SCN1A: variants seen among roughly 807,000 people sequenced by gnomAD.
The protein encoded by SCN1A is sodium channel protein type 1 subunit alpha.
SCN1A carries 13 observed loss-of-function variants against 193.7 expected under a neutral mutation model. That is an observed-to-expected ratio of 0.07 (90% CI 0.04 to 0.11). SCN1A has a LOEUF of 0.11. Ranked by LOEUF, SCN1A falls within the 10% of genes least tolerant of loss-of-function variation. SCN1A has a pLI of 1.00. For missense variants in SCN1A, 1,432 were observed against 2,451.1 expected (o/e 0.58, Z 8.78); for synonymous variants, 781 against 843.6 (o/e 0.93, Z 1.29).
chr2:166,140,072 T>A (rs1574648377), intron 1 of SCN1A, among the ~76,000 whole-genome samples: 1 of 152,196 alleles, frequency 6.6e-6, no homozygotes, highest in Non-Finnish European at 1.5e-5. Flanking sequence ...TACCATGTTA[T>A]CTTCATGAAT....
chr2:166,077,076 T>C (rs1439124864), intron 3 of SCN1A: 1 of 151,974 alleles, frequency 6.6e-6, no homozygotes, highest in Non-Finnish European at 1.5e-5. Context: ...ATATTTGTTT[T>C]TGGTTTTCTA....
At chr2:165,997,252 A>C (rs1470981225) in intron 26 of SCN1A, among the ~76,000 whole-genome samples, 1 of 151,374 alleles carries the variant, frequency 6.6e-6, no homozygotes, top group Non-Finnish European at 1.5e-5. Context: ...GGGAATGAAT[A>C]AGTAAATTAT....
intron 1 of SCN1A, among the ~76,000 whole-genome samples, chr2:166,147,739 T>C (rs1050096196): frequency 6.6e-6 from 1 of 152,164 alleles, no homozygotes; most frequent in Admixed American, 6.5e-5. Flanking sequence ...TGGGAAATCA[T>C]GTACATGTTT....
intron 1 of SCN1A, among the ~76,000 whole-genome samples, chr2:166,145,069 C>T (rs996990904): frequency 2.0e-5 from 3 of 151,918 alleles, no homozygotes; most frequent in African/African-American, 7.3e-5. Flanking sequence ...AACTCCTGAC[C>T]TCATGATCTG....
chr2:166,009,525 A>C, intron 23 of SCN1A, 194 bp downstream of exon 23: 1 of 405,478 alleles, frequency 2.5e-6, no homozygotes. Context: ...GATAAATGAT[A>C]TTATATCATT....
chr2:165,985,565 A>G (rs1688561382), downstream of SCN1A: 1 of 152,104 alleles, frequency 6.6e-6, no homozygotes, highest in Admixed American at 6.6e-5. Flanking sequence ...ATCTGCAAAT[A>G]TGAGGAGTGT....
intron 1 of SCN1A, among the ~76,000 whole-genome samples, chr2:166,136,077 T>A (rs1391495164): frequency 6.6e-6 from 1 of 152,192 alleles, no homozygotes; most frequent in Admixed American, 6.5e-5. Context: ...ACTTGATACA[T>A]AAGGAAGCTC....
In SCN1A at chr2:166,073,394, G is replaced by C. The variant is rs1173774565; in HGVS notation, c.228C>G (p.Pro76=). The change falls in exon 4 of 29, where the codon CCC becomes CCG. Residue 76 remains proline, a synonymous_variant. Coordinates refer to ENST00000674923, the MANE Select transcript of SCN1A (RefSeq NM_001165963.4). ...TATAGTAGGGGTCCAGGTCCTCCAGGGGCTCTGACACCATCTCTGGAGGAA... is the reference window on the plus strand; with the variant it reads ...TATAGTAGGGGTCCAGGTCCTCCAGCGGCTCTGACACCATCTCTGGAGGAA... The part of the protein sequence containing the change: ...GDIPPEMVSE[P]LEDLDPYYIN... 9 of 1,613,998 alleles carry C rather than the reference G, an allele frequency of 5.6e-6. No homozygotes were observed. Among genetic ancestry groups the C allele is most frequent in the Non-Finnish European group, 7.6e-6 (9 of 1,179,992 alleles).
intron 5 of SCN1A, 85 bp downstream of exon 5, chr2:166,058,485 T>A: frequency 2.5e-6 from 2 of 785,836 alleles, no homozygotes; most frequent in Non-Finnish European, 4.4e-6. Context: ...AATATGGACA[T>A]TTCCCAACTT....
chr2:166,129,322 A>G (rs1217515077), upstream of SCN1A, among the ~76,000 whole-genome samples: 1 of 152,170 alleles, frequency 6.6e-6, no homozygotes. Context: ...TTCCTGTTCT[A>G]GAATCACAGA....
chr2:166,077,616 TG>T, intron 3 of SCN1A, 93 bp downstream of exon 3: 1 of 152,104 alleles, frequency 6.6e-6, no homozygotes, highest in Non-Finnish European at 1.5e-5. Context: ...TCATTGCTGG[TG>T]GGCAAGCAAA....
intron 2 of SCN1A, among the ~76,000 whole-genome samples, chr2:166,123,932 A>G (rs937324274): frequency 6.6e-6 from 1 of 152,114 alleles, no homozygotes; most frequent in Non-Finnish European, 1.5e-5. Flanking sequence ...CCTGTGAGGC[A>G]CTTCACCCTT....
At chr2:165,997,837 C>T (rs1258508751) in intron 26 of SCN1A, among the ~76,000 whole-genome samples, 1 of 151,032 alleles carries the variant, frequency 6.6e-6, no homozygotes, top group Non-Finnish European at 1.5e-5. Flanking sequence ...AACCTATGAA[C>T]AAGAGTGTGG....
At chr2:166,025,653 T>A (rs938512252) in intron 19 of SCN1A, among the ~76,000 whole-genome samples, 2 of 152,202 alleles carry the variant, frequency 1.3e-5, no homozygotes, top group Admixed American at 6.5e-5. Flanking sequence ...TTCTGCCTGA[T>A]ACACCAAAGT....
At chr2:166,040,531 C>A (rs1223070578) in intron 16 of SCN1A, among the ~76,000 whole-genome samples, 1 of 152,052 alleles carries the variant, frequency 6.6e-6, no homozygotes, top group African/African-American at 2.4e-5. Context: ...ATCAAAAATC[C>A]TAAACTTCAA....
intron 17 of SCN1A, 30 bp downstream of exon 17, chr2:166,039,393 G>A: frequency 6.4e-7 from 1 of 1,562,490 alleles, no homozygotes; most frequent in Non-Finnish European, 8.6e-7. Context: ...AAAGGTTTTT[G>A]AATTTGGTGC....
rs144679294 is a variant in SCN1A at position 166,037,833 on chromosome 2, A to G, written c.2889T>C (p.Ala963=). The G allele has an allele frequency of 4.1e-3, 6,565 of 1,614,186 alleles. 27 individuals are homozygous for G. The highest frequency in any genetic ancestry group is 7.9e-3 in the Middle Eastern group (48 of 6,062). Residue 963 remains alanine (A), a synonymous_variant, in exon 18 of 29, where the codon GCT becomes GCC. Coordinates refer to ENST00000674923, the MANE Select transcript of SCN1A (RefSeq NM_001165963.4). ...IETMWDCMEV[A]GQAMCLTVFM... ...AGACAGTAAGGCACATGGCTTGACC[A>G]GCAACCTCCATACAGTCCCACATGG...
rs750678199 is a variant in SCN1A at position 165,995,987 on chromosome 2, C to T, written c.4581+26G>A. On this transcript the variant is annotated intron_variant, in intron 27 of 28. Coordinates refer to ENST00000674923, the MANE Select transcript of SCN1A (RefSeq NM_001165963.4). ...TGCAAGTTTTTGTTTTTGTATTTTT[C>T]CCCCATATCATTTGATACTTCTTAC... 4 of 1,423,332 alleles carry T rather than the reference C, an allele frequency of 2.8e-6. No individual in the cohort carries two copies. The South Asian group carries it at 3.5e-5, about 12-fold the overall frequency. The allele number at this position is 1,423,332 out of a possible 1,614,324, so 88.2% of individuals were successfully genotyped here. A position where few individuals can be genotyped will look rare whatever the true frequency, so the allele number is the denominator to read the frequency against.
In SCN1A at chr2:165,991,103, A is replaced by T; in HGVS notation, c.*142T>A. ...TTTGCTGACAAGGGGTCACTGTCTT[A>T]TTGTAGGCACTGACCTTAAGGAGAT... On this transcript the variant is annotated 3_prime_UTR_variant, in exon 29 of 29. Transcript: ENST00000674923. 1.4e-6 allele frequency: 1 copy of T among 708,452 alleles called. No homozygotes were observed. The highest frequency in any genetic ancestry group is 1.9e-5 in the South Asian group (1 of 52,728). The allele number at this position is 708,452 out of a possible 1,614,324, so 43.9% of individuals were successfully genotyped here. A position where few individuals can be genotyped will look rare whatever the true frequency, so the allele number is the denominator to read the frequency against.
Sources: allele counts gnomAD v4.1 joint callset (sites outside exome capture counted in the v4.1 genomes callset), GRCh38; gene constraint gnomAD v4.1.1; transcripts MANE v1.5; gene names NCBI Gene and HGNC (gene_info 2026-07-23, HGNC 2026-07-21).